Variants in CYP2C19 observed in about 807,000 individuals in gnomAD.
The protein encoded by CYP2C19 is cytochrome P450 family 2 subfamily C member 19.
A neutral mutation model predicts 40.9 loss-of-function variants in CYP2C19; 59 were observed. That is an observed-to-expected ratio of 1.44 (90% confidence interval 1.17 to 1.79). The LOEUF (loss-of-function observed/expected upper bound fraction) is 1.79. Ranked by LOEUF, CYP2C19 falls within the 40% of genes most tolerant of loss-of-function variation. CYP2C19 has a pLI of 0.00. For missense variants in CYP2C19, 754 were observed against 596.9 expected (o/e 1.26, Z -2.74); for synonymous variants, 253 against 208.7 (o/e 1.21, Z -1.83).
intron 5 of CYP2C19, among the ~76,000 whole-genome samples, chr10:94,788,563 T>C (rs1848571429): frequency 6.6e-6 from 1 of 152,050 alleles, no homozygotes; most frequent in Admixed American, 6.6e-5. Context: ...GTGTTCTCAT[T>C]GTTCATTTCC....
chr10:94,852,096 A>G (rs1291339769), intron 8 of CYP2C19, among the ~76,000 whole-genome samples: 2 of 152,174 alleles, frequency 1.3e-5, no homozygotes, highest in African/African-American at 4.8e-5. Context: ...ATGAGTGGCT[A>G]TGCCTAGAGT....
chr10:94,848,051 T>C (rs1005981246), intron 7 of CYP2C19, among the ~76,000 whole-genome samples: 7 of 152,336 alleles, frequency 4.6e-5, no homozygotes, highest in African/African-American at 1.7e-4. Flanking sequence ...GATGGTGGTT[T>C]CTTTTGCTGT....
intron 3 of CYP2C19, among the ~76,000 whole-genome samples, chr10:94,780,212 T>C (rs1214056785): frequency 6.6e-6 from 1 of 151,606 alleles, no homozygotes; most frequent in East Asian, 1.9e-4. Context: ...ATTTGGTTTC[T>C]AAAAAAGTCT....
intron 6 of CYP2C19, among the ~76,000 whole-genome samples, chr10:94,836,123 G>A (rs1392676698): frequency 6.6e-6 from 1 of 152,234 alleles, no homozygotes; most frequent in Admixed American, 6.5e-5. Flanking sequence ...GGCTCTTCAA[G>A]TAATAGAGCC....
chr10:94,777,976 A>T (rs1435017618), intron 3 of CYP2C19, among the ~76,000 whole-genome samples: 1 of 152,094 alleles, frequency 6.6e-6, no homozygotes, highest in Non-Finnish European at 1.5e-5. Context: ...ACAACAAAAA[A>T]AAACTGCTGG....
chr10:94,764,034 T>C, intron 1 of CYP2C19, among the ~76,000 whole-genome samples: 1 of 152,040 alleles, frequency 6.6e-6, no homozygotes, highest in East Asian at 1.9e-4. Flanking sequence ...TTCCTCCTGG[T>C]GGGTTTCTGG....
At chr10:94,769,216 G>A (rs1379501717) in intron 1 of CYP2C19, among the ~76,000 whole-genome samples, 2 of 152,106 alleles carry the variant, frequency 1.3e-5, no homozygotes, top group Admixed American at 6.5e-5. Flanking sequence ...AGAGTACCCT[G>A]CTGGCATGAG....
chr10:94,782,069 A>T, intron 5 of CYP2C19, 72 bp downstream of exon 5: 3 of 1,314,396 alleles, frequency 2.3e-6, no homozygotes, highest in Non-Finnish European at 3.1e-6. Context: ...TTTTGTGTTT[A>T]CTACGGATGT....
At chr10:94,832,641 A>T (rs970503098) in intron 6 of CYP2C19, among the ~76,000 whole-genome samples, 1 of 152,150 alleles carries the variant, frequency 6.6e-6, no homozygotes, top group Non-Finnish European at 1.5e-5. Context: ...TTATGTCAGT[A>T]CCATGCTGTT....
At chr10:94,763,037 G>A (rs1382026904) in intron 1 of CYP2C19, among the ~76,000 whole-genome samples, 164 bp downstream of exon 1, 1 of 152,076 alleles carries the variant, frequency 6.6e-6, no homozygotes, top group Non-Finnish European at 1.5e-5. Flanking sequence ...CAGAAATAGT[G>A]GAATGAAATA....
intron 6 of CYP2C19, among the ~76,000 whole-genome samples, chr10:94,821,100 A>T (rs780685938): frequency 1.2e-4 from 18 of 152,058 alleles, no homozygotes; most frequent in Non-Finnish European, 2.5e-4. Flanking sequence ...AAAAAAAAGG[A>T]AAAGAAAAGA....
intron 6 of CYP2C19, among the ~76,000 whole-genome samples, chr10:94,837,668 C>A (rs939146685): frequency 1.3e-5 from 2 of 152,060 alleles, no homozygotes; most frequent in African/African-American, 4.8e-5. Flanking sequence ...GACAGTTGTC[C>A]GAGACAGGAG....
chr10:94,818,600 C>G (rs1458186236), intron 5 of CYP2C19, among the ~76,000 whole-genome samples: 26 of 143,172 alleles, frequency 1.8e-4, no homozygotes, highest in Non-Finnish European at 3.5e-4. Context: ...TGAAGAGGTC[C>G]TTCACATCCC....
intron 1 of CYP2C19, chr10:94,774,003 G>C (rs940388072): frequency 3.9e-5 from 6 of 152,104 alleles, no homozygotes; most frequent in African/African-American, 1.4e-4. Context: ...ACAGAGCATT[G>C]ATTGGTACAT....
chr10:94,787,656 T>A (rs1352952755), intron 5 of CYP2C19, among the ~76,000 whole-genome samples: 1 of 152,124 alleles, frequency 6.6e-6, no homozygotes, highest in Non-Finnish European at 1.5e-5. Flanking sequence ...TTAATCCATT[T>A]CGAGTTAATT....
chr10:94,767,187 T>C (rs148062294), intron 1 of CYP2C19, among the ~76,000 whole-genome samples: 3 of 152,284 alleles, frequency 2.0e-5, no homozygotes, highest in Non-Finnish European at 4.4e-5. Flanking sequence ...GAGTAGGCCA[T>C]GGGAAATGAG....
intron 1 of CYP2C19, among the ~76,000 whole-genome samples, chr10:94,772,983 T>G (rs1331998334): frequency 6.6e-6 from 1 of 152,086 alleles, no homozygotes; most frequent in African/African-American, 2.4e-5. Context: ...GGGTTTCACC[T>G]TGTTAGCCAG....
chr10:94,768,302 G>T (rs966885920), intron 1 of CYP2C19, among the ~76,000 whole-genome samples: 11 of 152,134 alleles, frequency 7.2e-5, no homozygotes, highest in African/African-American at 2.4e-4. Flanking sequence ...CACTAACTTT[G>T]CCATAACCTG....
chr10:94,830,035 G>T (rs1485778878), intron 6 of CYP2C19, among the ~76,000 whole-genome samples: 1 of 152,156 alleles, frequency 6.6e-6, no homozygotes, highest in Non-Finnish European at 1.5e-5. Flanking sequence ...GCTGCATGCT[G>T]GGAGAACCAC....
Sources: gnomAD v4.1 joint callset for allele counts (sites outside exome capture counted in the v4.1 genomes callset) on GRCh38, gnomAD v4.1.1 for gene constraint, MANE v1.5 for transcripts, NCBI Gene and HGNC (gene_info 2026-07-23, HGNC 2026-07-21) for gene names.